The following TMEM181 variants were observed in gnomAD, a reference collection of about 807,000 sequenced individuals.
TMEM181 encodes the protein G protein-coupled receptor 178.
In TMEM181, 39 loss-of-function variants were observed where a neutral mutation model predicts 71.9. The observed-to-expected ratio is 0.54, with a 90% CI of 0.42 to 0.71. The LOEUF (loss-of-function observed/expected upper bound fraction) is 0.71, where lower values mean the gene tolerates loss of function less well. TMEM181 is among the 30% of genes least tolerant of loss of function. The pLI is 0.00. For missense variants in TMEM181, 595 were observed against 583.0 expected (o/e 1.02, Z -0.21); for synonymous variants, 245 against 228.8 (o/e 1.07, Z -0.64).
At chr6:158,561,027 T>C (rs1032737111) in intron 1 of TMEM181, among the ~76,000 whole-genome samples, 4 of 152,086 alleles carry the variant, frequency 2.6e-5, no homozygotes, top group African/African-American at 9.7e-5. Context: ...GAGTGGCCCA[T>C]ATGTGCAGCC....
chr6:158,550,133 T>G (rs1781671474), intron 1 of TMEM181, among the ~76,000 whole-genome samples: 1 of 152,012 alleles, frequency 6.6e-6, no homozygotes, highest in Non-Finnish European at 1.5e-5. Context: ...GGTCCCATGT[T>G]GGAGGGCGTG....
chr6:158,550,933 T>A (rs975134497), intron 1 of TMEM181, among the ~76,000 whole-genome samples: 1 of 142,126 alleles, frequency 7.0e-6, no homozygotes, highest in Non-Finnish European at 1.5e-5. Flanking sequence ...ATGTTTTAAA[T>A]AAAAATCATA....
At chr6:158,625,845 C>A in intron 13 of TMEM181, 91 bp downstream of exon 13, 1 of 1,183,254 alleles carries the variant, frequency 8.5e-7, no homozygotes, top group Non-Finnish European at 1.2e-6. Context: ...GAGTGGATTT[C>A]AGGGTACTTC....
At chr6:158,566,100 C>T (rs909838264) in intron 1 of TMEM181, among the ~76,000 whole-genome samples, 1 of 152,190 alleles carries the variant, frequency 6.6e-6, no homozygotes, top group Admixed American at 6.5e-5. Flanking sequence ...TCTTCCCAGT[C>T]TCCTGGCTTG....
upstream of TMEM181, among the ~76,000 whole-genome samples, chr6:158,558,318 C>T (rs1437382970): frequency 6.6e-6 from 1 of 152,138 alleles, no homozygotes; most frequent in African/African-American, 2.4e-5. Flanking sequence ...TTAGTCCCTC[C>T]CAGGGTTTAA....
intron 2 of TMEM181, among the ~76,000 whole-genome samples, chr6:158,579,562 T>G (rs1783356414): frequency 6.6e-6 from 1 of 151,410 alleles, no homozygotes; most frequent in African/African-American, 2.4e-5. Context: ...TCTACTAAAA[T>G]GCAAAAATTA....
intron 2 of TMEM181, among the ~76,000 whole-genome samples, chr6:158,575,088 A>G (rs1231087918): frequency 6.6e-6 from 1 of 152,210 alleles, no homozygotes; most frequent in African/African-American, 2.4e-5. Flanking sequence ...GACTCAGTCT[A>G]CCGATTCACA....
Position 158,620,365 on chromosome 6 carries a change from C to T in TMEM181, c.897-3185C>T, listed in dbSNP as rs1020164766. Among the ~76,000 whole-genome samples the T allele has an allele frequency of 1.3e-5, 2 of 152,044 alleles. No individual in the cohort carries two copies. The highest frequency in any genetic ancestry group is 6.6e-5 in the Admixed American group (1 of 15,266). On this transcript the variant is annotated intron_variant, in intron 10 of 16. Coordinates refer to ENST00000684151, the MANE Select transcript of TMEM181 (RefSeq NM_001376852.1). The surrounding 1 kb of genome is among the most constrained non-coding windows in gnomAD (Gnocchi z 4.5). ...TCCTCTGAGGACTGGGACGGCAGACCGAACTTTCTCAGGTACCACGAGAAA... is the reference window on the plus strand; with the variant it reads ...TCCTCTGAGGACTGGGACGGCAGACTGAACTTTCTCAGGTACCACGAGAAA...
At chr6:158,596,366 T>G (rs1784391609) in intron 6 of TMEM181, among the ~76,000 whole-genome samples, 1 of 152,214 alleles carries the variant, frequency 6.6e-6, no homozygotes, top group South Asian at 2.1e-4. Context: ...TGTGGCTGGC[T>G]GTACTGACAC....
At chr6:158,578,311 C>G (rs968599044) in intron 2 of TMEM181, among the ~76,000 whole-genome samples, 1 of 152,144 alleles carries the variant, frequency 6.6e-6, no homozygotes, top group Non-Finnish European at 1.5e-5. Context: ...AAGGTAAATA[C>G]TTGGGTAATT....
At chr6:158,571,358 A>C (rs976107319) in intron 1 of TMEM181, among the ~76,000 whole-genome samples, 3 of 144,666 alleles carry the variant, frequency 2.1e-5, no homozygotes, top group African/African-American at 7.9e-5. Flanking sequence ...GGCCTCCCAA[A>C]GTGCTGGGAT....
chr6:158,611,131 C>T (rs1303254160), intron 10 of TMEM181: 1 of 525,140 alleles, frequency 1.9e-6, no homozygotes, highest in African/African-American at 1.9e-5. Flanking sequence ...TGGGTTTCTC[C>T]TGAGGGTCTG....
At chr6:158,611,824 G>C (rs1423143101) in intron 10 of TMEM181, 4 of 191,494 alleles carry the variant, frequency 2.1e-5, no homozygotes, top group Non-Finnish European at 4.3e-5. Flanking sequence ...TTAGGTCAGA[G>C]TCACTCTCTC....
At chr6:158,586,251 C>T (rs575155084) in intron 5 of TMEM181, among the ~76,000 whole-genome samples, 11 of 152,264 alleles carry the variant, frequency 7.2e-5, no homozygotes, top group East Asian at 1.9e-4. Context: ...CCTGCTAGAG[C>T]GAGGAGTCCA....
At chr6:158,591,421 C>G (rs1784102998) in intron 6 of TMEM181, among the ~76,000 whole-genome samples, 1 of 152,120 alleles carries the variant, frequency 6.6e-6, no homozygotes, top group South Asian at 2.1e-4. Flanking sequence ...CTCTTCCTTT[C>G]AGCCCTTTGC....
chr6:158,585,394 A>C lies in TMEM181; in HGVS notation c.350A>C (p.His117Pro). ...GTTMYIHNKV[H>P]NRTRTLTCAG... Reference sequence around the variant, plus strand: ...ACGATGTACATTCATAACAAAGTTCACAACCGGACAAGGACCCTCACATGT... The same window carrying C: ...ACGATGTACATTCATAACAAAGTTCCCAACCGGACAAGGACCCTCACATGT... The change falls in exon 5 of 17, where the codon CAC (histidine) becomes CCC (proline). Residue 117 changes from histidine (H) to proline (P), a missense_variant. Physicochemically the swap from His to Pro is moderately conservative, Grantham distance 77. Transcript: ENST00000684151. 1 of 1,611,728 alleles carries C rather than the reference A, an allele frequency of 6.2e-7. No individual in the cohort carries two copies. The highest frequency in any genetic ancestry group is 1.3e-5 in the African/African-American group (1 of 74,984).
At chr6:158,623,716 T>A in intron 11 of TMEM181, 109 bp downstream of exon 11, 1 of 746,738 alleles carries the variant, frequency 1.3e-6, no homozygotes, top group Non-Finnish European at 2.2e-6. Context: ...AACTGACTAC[T>A]TGGGAAGGAC....
intron 12 of TMEM181, among the ~76,000 whole-genome samples, chr6:158,625,438 G>A (rs989315437): frequency 1.3e-5 from 2 of 152,140 alleles, no homozygotes; most frequent in South Asian, 2.1e-4. Context: ...ACTGTACCCT[G>A]CAGAGCAGGG....
At position 158,631,403 on chromosome 6, in the gene TMEM181, C is replaced by G; in HGVS notation, c.1349+14C>G. The G allele has an allele frequency of 6.2e-7, 1 of 1,614,020 alleles. No homozygotes were observed. On this transcript the variant is annotated intron_variant, in intron 16 of 16. Coordinates refer to ENST00000684151, the MANE Select transcript of TMEM181 (RefSeq NM_001376852.1). ...TGTGATTTATGGGTAAGTCCCTGTC[C>G]GTTAGAAGGCCGGCACACCTTGGGC...
Sources: gnomAD v4.1 joint callset for allele counts (sites outside exome capture counted in the v4.1 genomes callset) on GRCh38, gnomAD v4.1.1 for gene constraint, Gnocchi (gnomAD v3.1) non-coding constraint, MANE v1.5 for transcripts, NCBI Gene and HGNC (gene_info 2026-07-23, HGNC 2026-07-21) for gene names.